CDK5RAP2: variants seen among roughly 807,000 people sequenced by gnomAD.
CDK5RAP2 encodes CDK5 regulatory subunit associated protein 2.
CDK5RAP2 carries 147 observed loss-of-function variants against 232.9 expected under a neutral mutation model. That is an observed-to-expected ratio of 0.63 (90% CI 0.55 to 0.72). CDK5RAP2 has a LOEUF of 0.72. Among genes scored for constraint, CDK5RAP2 ranks in the 30% least tolerant of loss-of-function variants. CDK5RAP2 has a pLI of 0.00. For missense variants in CDK5RAP2, 2,195 were observed against 2,231.5 expected (o/e 0.98, Z 0.33); for synonymous variants, 833 against 833.7 (o/e 1.00, Z 0.01).
intron 15 of CDK5RAP2, 38 bp downstream of exon 15, chr9:120,477,312 C>T (rs371753582): frequency 4.3e-5 from 61 of 1,428,218 alleles, no homozygotes; most frequent in Non-Finnish European, 5.6e-5. Flanking sequence ...TGTGTGTGTT[C>T]GCATTCACAT....
At chr9:120,464,621 C>T (rs1160257699) in intron 18 of CDK5RAP2, among the ~76,000 whole-genome samples, 4 of 152,124 alleles carry the variant, frequency 2.6e-5, no homozygotes, top group Admixed American at 1.3e-4. Flanking sequence ...TCCAGGCTTA[C>T]TGGACAAGAA....
chr9:120,468,326 C>T (rs547456664), intron 17 of CDK5RAP2, among the ~76,000 whole-genome samples: 4 of 152,318 alleles, frequency 2.6e-5, no homozygotes, highest in African/African-American at 7.2e-5. Context: ...GTCCCTGGCA[C>T]GGTCTAAGTG....
rs2041521717 is a variant in CDK5RAP2, at chr9:120,539,151, T to C, written c.397A>G (p.Ser133Gly). Residue 133 changes from serine to glycine, a missense_variant, in exon 6 of 38, where the codon AGC (serine) becomes GGC (glycine). Ser to Gly is a moderately conservative substitution (Grantham distance 56). Transcript: ENST00000349780. ...TCAGAGCCACCTGCTTCAGCTAAGC[T>C]CTCAACTGCTTTGCTGCAAAAAGAG... is the stretch of plus-strand genomic sequence containing the variant. ...LLIKASKAVE[S>G]LAEAGGSEIQ... 6.2e-7 allele frequency: 1 copy of C among 1,613,808 alleles called. No individual in the cohort carries two copies. Among genetic ancestry groups the C allele is most frequent in the African/African-American group, 1.3e-5 (1 of 74,918 alleles).
chr9:120,552,522 G>A (rs146726376), intron 3 of CDK5RAP2, among the ~76,000 whole-genome samples: 18,460 of 152,030 alleles, frequency 0.12, 1,436 homozygotes, highest in Middle Eastern at 0.19. Context: ...CATAAAAAAG[G>A]ATGAATTCAT....
Position 120,408,392 on chromosome 9 carries a change from G to C in CDK5RAP2, c.4681C>G (p.Leu1561Val), listed in dbSNP as rs748298248. 5.0e-6 allele frequency: 8 copies of C among 1,614,048 alleles called. No homozygotes were observed. The Admixed American group carries it at 1.2e-4, about 24-fold the overall frequency. Residue 1561 changes from leucine to valine, a missense_variant, in exon 31 of 38, where the codon CTG becomes GTG. Transcript: ENST00000349780. ...TCATCCAGCTTCTCATACGCCTTCA[G>C]CTCCACTCGGAGAGACTGCAATAGC... is the stretch of plus-strand genomic sequence containing the variant. The part of the protein sequence containing the change: ...DKLLQSLRVE[L>V]KAYEKLDEEH...
Position 120,572,053 on chromosome 9 carries a change from C to T in CDK5RAP2, c.60-12G>A. 1.2e-6 allele frequency: 2 copies of T among 1,601,108 alleles called. No individual in the cohort carries two copies. The highest frequency in any genetic ancestry group is 1.7e-6 in the Non-Finnish European group (2 of 1,168,178). On this transcript the variant is annotated splice_polypyrimidine_tract_variant and intron_variant, in intron 1 of 37. Coordinates refer to ENST00000349780, the MANE Select transcript of CDK5RAP2 (RefSeq NM_018249.6). The stretch of plus-strand genomic sequence containing the variant: ...TGGGAACAAGGCCACTAGGAGAGAA[C>T]ACATGAGATAAGAGATGAGCTAATG...
At chr9:120,511,043 T>C (rs142976343) in intron 12 of CDK5RAP2, among the ~76,000 whole-genome samples, 1 of 152,186 alleles carries the variant, frequency 6.6e-6, no homozygotes, top group East Asian at 1.9e-4. Context: ...CAAACAAACA[T>C]GGAGAACTGA....
intron 10 of CDK5RAP2, among the ~76,000 whole-genome samples, chr9:120,526,655 G>T (rs1300573273): frequency 2.0e-5 from 3 of 151,954 alleles, no homozygotes; most frequent in Non-Finnish European, 4.4e-5. Flanking sequence ...TCTCCAAAAT[G>T]AAAATATGCT....
intron 35 of CDK5RAP2, among the ~76,000 whole-genome samples, chr9:120,395,807 A>G (rs1419287804): frequency 6.6e-6 from 1 of 152,264 alleles, no homozygotes; most frequent in African/African-American, 2.4e-5. Flanking sequence ...TTCAGGAAAG[A>G]CTTGATAAAA....
chr9:120,472,288 A>C (rs2037753763), intron 15 of CDK5RAP2, among the ~76,000 whole-genome samples: 1 of 152,230 alleles, frequency 6.6e-6, no homozygotes, highest in South Asian at 2.1e-4. Context: ...CTATTAGTGG[A>C]TACTTGGGTC....
intron 27 of CDK5RAP2, among the ~76,000 whole-genome samples, chr9:120,417,722 C>T (rs894379231): frequency 2.0e-5 from 3 of 152,168 alleles, no homozygotes; most frequent in Non-Finnish European, 4.4e-5. Context: ...AGAAAAATCT[C>T]TCTCTCTTAG....
intron 12 of CDK5RAP2, among the ~76,000 whole-genome samples, chr9:120,515,528 TTCA>T (rs2040294178): frequency 6.6e-6 from 1 of 152,226 alleles, no homozygotes; most frequent in African/African-American, 2.4e-5. Context: ...ACATTTTGTG[TTCA>T]ATAACACTGA....
intron 7 of CDK5RAP2, among the ~76,000 whole-genome samples, 177 bp from the exon 8 acceptor site, chr9:120,530,317 C>T (rs2041093923): frequency 6.6e-6 from 1 of 152,158 alleles, no homozygotes; most frequent in Non-Finnish European, 1.5e-5. Flanking sequence ...GTGACATTAA[C>T]TGGTCCCCTG....
intron 12 of CDK5RAP2, among the ~76,000 whole-genome samples, chr9:120,510,132 C>T (rs1169845221): frequency 6.6e-6 from 1 of 152,204 alleles, no homozygotes; most frequent in East Asian, 1.9e-4. Context: ...AATGCTGTCA[C>T]AATCTCATTT....
chr9:120,508,399 A>T (rs1256194724), intron 12 of CDK5RAP2, among the ~76,000 whole-genome samples: 1 of 152,168 alleles, frequency 6.6e-6, no homozygotes, highest in Non-Finnish European at 1.5e-5. Context: ...TTCTCTCCAT[A>T]ACAGTTCATT....
chr9:120,427,499 G>A (rs2131410209), intron 25 of CDK5RAP2, among the ~76,000 whole-genome samples: 1 of 152,256 alleles, frequency 6.6e-6, no homozygotes, highest in African/African-American at 2.4e-5. Flanking sequence ...CAGTCTGTCT[G>A]ACTCCAAAGG....
At chr9:120,573,347 G>A (rs1027136256) in intron 1 of CDK5RAP2, among the ~76,000 whole-genome samples, 1 of 152,044 alleles carries the variant, frequency 6.6e-6, no homozygotes, top group Admixed American at 6.5e-5. Context: ...TCAGGAGTTC[G>A]AGACCAGCCT....
In CDK5RAP2 at chr9:120,443,718, T is replaced by C; in HGVS notation, c.3050A>G (p.Tyr1017Cys). ...TTTCTGCTCTCCTGGGCTGTCCTGG[T>C]AGGCTGCTCCCACAGGGGGCTGAGC... ...LNAQPPVGAA[Y>C]QDSPGEQKGI... is the part of the protein sequence containing the mutation. Residue 1017 changes from tyrosine (Y) to cysteine (C), a missense_variant, in exon 23 of 38, where the codon TAC becomes TGC. Tyr to Cys is a radical substitution (Grantham distance 194). Coordinates refer to ENST00000349780, the MANE Select transcript of CDK5RAP2 (RefSeq NM_018249.6). The C allele has an allele frequency of 1.9e-6, 3 of 1,614,050 alleles. No individual in the cohort carries two copies. Among genetic ancestry groups the C allele is most frequent in the Non-Finnish European group, 2.5e-6 (3 of 1,179,996 alleles).
At chr9:120,514,399 G>A (rs1473810564) in intron 12 of CDK5RAP2, among the ~76,000 whole-genome samples, 2 of 152,090 alleles carry the variant, frequency 1.3e-5, no homozygotes, top group Non-Finnish European at 2.9e-5. Context: ...CTTCTGCCAA[G>A]GCACAATAAG....
Sources: gnomAD v4.1 joint callset for allele counts (sites outside exome capture counted in the v4.1 genomes callset) on GRCh38, gnomAD v4.1.1 for gene constraint, MANE v1.5 for transcripts, NCBI Gene and HGNC (gene_info 2026-07-23, HGNC 2026-07-21) for gene names.